Variants in NTNG1 observed in about 807,000 individuals in gnomAD.
The protein encoded by NTNG1 is netrin G1.
In NTNG1, 16 loss-of-function variants were observed where a neutral mutation model predicts 54.0. The ratio of observed to expected loss-of-function variants is 0.30; its 90% confidence interval spans 0.20 to 0.45. NTNG1 has a LOEUF of 0.45. Ranked by LOEUF, NTNG1 falls within the 20% of genes least tolerant of loss-of-function variation. NTNG1 has a pLI of 1.00. For missense variants in NTNG1, 530 were observed against 678.7 expected, an observed-to-expected ratio of 0.78 and a Z score of 2.43; for synonymous variants, 255 against 263.1, an observed-to-expected ratio of 0.97 and a Z score of 0.30.
At chr1:107,354,447 C>G (rs142067145) in intron 3 of NTNG1, among the ~76,000 whole-genome samples, 2 of 114,660 alleles carry the variant, frequency 1.7e-5, no homozygotes, top group South Asian at 5.5e-4. Context: ...CCAGCCTGGA[C>G]GACAAACTGA....
intron 7 of NTNG1, among the ~76,000 whole-genome samples, chr1:107,447,129 A>C (rs980536150): frequency 3.9e-5 from 6 of 152,144 alleles, no homozygotes; most frequent in Admixed American, 2.6e-4. Context: ...TATGTCTCAG[A>C]GATAAAACAC....
intron 3 of NTNG1, among the ~76,000 whole-genome samples, chr1:107,328,617 T>C (rs1570689713): frequency 6.6e-6 from 1 of 152,212 alleles, no homozygotes; most frequent in East Asian, 1.9e-4. Context: ...GTTTTCTTAT[T>C]TACACCATTG....
intron 7 of NTNG1, among the ~76,000 whole-genome samples, chr1:107,439,567 T>A (rs937053998): frequency 2.6e-5 from 4 of 152,134 alleles, no homozygotes; most frequent in African/African-American, 9.7e-5. Context: ...ATATATAAAT[T>A]TAACATCGTC....
intron 4 of NTNG1, among the ~76,000 whole-genome samples, chr1:107,398,264 T>C (rs1299329125): frequency 6.6e-6 from 1 of 152,134 alleles, no homozygotes; most frequent in Admixed American, 6.6e-5. Context: ...AATGTGCACA[T>C]GTACCCTAAA....
chr1:107,141,332 C>T (rs557592611), intron 1 of NTNG1, 192 bp downstream of exon 1: 1 of 150,330 alleles, frequency 6.7e-6, no homozygotes, highest in African/African-American at 2.4e-5. Flanking sequence ...CCGCCCTCCG[C>T]CCGTACGCCG....
In NTNG1 at chr1:107,482,048, AC is replaced by A. The variant is rs1482447982; in HGVS notation, c.*1209del. The A allele has an allele frequency of 9.0e-6, 1 of 110,948 alleles. No homozygotes were observed. Among genetic ancestry groups the A allele is most frequent in the Non-Finnish European group, 1.9e-5 (1 of 53,534 alleles). The allele number at this position is 110,948 out of a possible 1,614,324, so 6.9% of individuals were successfully genotyped here. A position where few individuals can be genotyped will look rare whatever the true frequency, so the allele number is the denominator to read the frequency against. On this transcript the variant is annotated 3_prime_UTR_variant, in exon 8 of 8. Transcript: ENST00000370068. ...AGACTATTTCCACTTGGGAAAAATT[AC>A]AACAGCAAAAAAAAAAAAAAAAAAA...
chr1:107,253,081 A>C (rs114464707), intron 2 of NTNG1, among the ~76,000 whole-genome samples: 188 of 152,288 alleles, frequency 1.2e-3, no homozygotes, highest in African/African-American at 4.4e-3. Flanking sequence ...AAGTATTTTG[A>C]AATCCACTCT....
At chr1:107,314,219 A>G (rs1380558202) in intron 2 of NTNG1, among the ~76,000 whole-genome samples, 1 of 152,036 alleles carries the variant, frequency 6.6e-6, no homozygotes, top group African/African-American at 2.4e-5. Context: ...CCTGGCCAAC[A>G]TAGTGAAACC....
intron 6 of NTNG1, among the ~76,000 whole-genome samples, chr1:107,436,155 T>C (rs1047089868): frequency 2.0e-5 from 3 of 152,236 alleles, no homozygotes; most frequent in African/African-American, 7.2e-5. Context: ...CACAAAATGG[T>C]ATATGCATGA....
chr1:107,471,925 C>G (rs1251301161), intron 7 of NTNG1, among the ~76,000 whole-genome samples: 2 of 152,168 alleles, frequency 1.3e-5, no homozygotes, highest in Non-Finnish European at 2.9e-5. Context: ...ACAAAGTATA[C>G]TTAGGTTGTG....
chr1:107,372,670 A>T (rs1670992820), intron 3 of NTNG1, among the ~76,000 whole-genome samples: 1 of 152,104 alleles, frequency 6.6e-6, no homozygotes, highest in African/African-American at 2.4e-5. Context: ...AAGTTGGTGG[A>T]TAGTGTTGTC....
At chr1:107,196,568 A>G (rs1658347210) in intron 2 of NTNG1, among the ~76,000 whole-genome samples, 1 of 151,916 alleles carries the variant, frequency 6.6e-6, no homozygotes, top group Non-Finnish European at 1.5e-5. Context: ...TCTTTGATAG[A>G]TGTGTGCCTT....
intron 2 of NTNG1, among the ~76,000 whole-genome samples, chr1:107,263,955 A>G (rs1663552727): frequency 6.6e-6 from 1 of 152,188 alleles, no homozygotes; most frequent in Non-Finnish European, 1.5e-5. Context: ...AAAATGTATT[A>G]TGCTATTTCT....
rs549280815 is a variant in NTNG1 at position 107,362,680 on chromosome 1, G to A, written c.888-32474G>A. 5.3e-5 allele frequency among the ~76,000 whole-genome samples: 8 copies of A among 152,278 alleles called. No homozygotes were observed. In the South Asian group the frequency reaches 1.7e-3, roughly 32 times the overall value. ...AGGTCCCTAAACCTCTGAGACTCTT[G>A]CATCAGCTGTAAAATCCAGAGTTGC... On this transcript the variant is annotated intron_variant, in intron 3 of 7. Coordinates refer to ENST00000370068, the MANE Select transcript of NTNG1 (RefSeq NM_001113226.3).
intron 7 of NTNG1, among the ~76,000 whole-genome samples, chr1:107,478,026 A>T (rs1278409851): frequency 1.3e-5 from 2 of 152,260 alleles, no homozygotes; most frequent in African/African-American, 2.4e-5. Context: ...GGTTGAGCAC[A>T]CTGAAGAAGA....
chr1:107,156,188 T>C (rs1654983068), intron 2 of NTNG1, among the ~76,000 whole-genome samples: 1 of 152,228 alleles, frequency 6.6e-6, no homozygotes, highest in African/African-American at 2.4e-5. Context: ...AAATCTAATG[T>C]TTTCCTCTGT....
intron 2 of NTNG1, among the ~76,000 whole-genome samples, chr1:107,156,640 T>C (rs1655019090): frequency 1.3e-5 from 2 of 152,184 alleles, no homozygotes; most frequent in African/African-American, 4.8e-5. Context: ...ATGATTTCAA[T>C]GTTGTGTATG....
At chr1:107,313,117 G>A (rs781182672) in intron 2 of NTNG1, among the ~76,000 whole-genome samples, 3 of 152,046 alleles carry the variant, frequency 2.0e-5, no homozygotes, top group Non-Finnish European at 4.4e-5. Flanking sequence ...TCTACTTTGG[G>A]GGGCATTAGT....
At chr1:107,156,608 G>T (rs1655015352) in intron 2 of NTNG1, among the ~76,000 whole-genome samples, 1 of 151,870 alleles carries the variant, frequency 6.6e-6, no homozygotes, top group African/African-American at 2.4e-5. Context: ...TAGTAAATTT[G>T]TTTAAAGAAT....
Sources: allele counts gnomAD v4.1 joint callset (sites outside exome capture counted in the v4.1 genomes callset), GRCh38; gene constraint gnomAD v4.1.1; transcripts MANE v1.5; gene names NCBI Gene and HGNC (gene_info 2026-07-23, HGNC 2026-07-21).